The following MED24 variants were observed in gnomAD, a reference collection of about 807,000 sequenced individuals.
The protein encoded by MED24 is mediator complex subunit 24, also known as mediator of RNA polymerase II transcription subunit 24.
In MED24, 74 loss-of-function variants were observed where a neutral mutation model predicts 118.8. The observed-to-expected ratio is 0.62, with a 90% CI of 0.52 to 0.76. The LOEUF (loss-of-function observed/expected upper bound fraction) is 0.76, where lower values mean the gene tolerates loss of function less well. Among genes scored for constraint, MED24 ranks in the 30% least tolerant of loss-of-function variants. MED24 has a pLI of 0.00. For synonymous variants in MED24, 521 were observed against 523.9 expected, an observed-to-expected ratio of 0.99 and a Z score of 0.08; for missense variants, 1,041 against 1,278.9, an observed-to-expected ratio of 0.81 and a Z score of 2.84.
intron 3 of MED24, among the ~76,000 whole-genome samples, chr17:40,041,773 A>C (rs2144953779): frequency 6.6e-6 from 1 of 152,200 alleles, no homozygotes; most frequent in African/African-American, 2.4e-5. Flanking sequence ...GCCACTTCCT[A>C]AACTGTTCTT....
At chr17:40,049,819 C>T (rs959080155) in intron 3 of MED24, among the ~76,000 whole-genome samples, 1 of 151,844 alleles carries the variant, frequency 6.6e-6, no homozygotes, top group Non-Finnish European at 1.5e-5. Context: ...CCACCACACC[C>T]CACCTTAATT....
intron 3 of MED24, among the ~76,000 whole-genome samples, chr17:40,038,466 A>C (rs1166509653): frequency 6.6e-6 from 1 of 152,096 alleles, no homozygotes; most frequent in African/African-American, 2.4e-5. Flanking sequence ...TAATCCCAGA[A>C]CTTTGGGAGG....
At chr17:40,042,322 G>A (rs1984644121) in intron 3 of MED24, among the ~76,000 whole-genome samples, 1 of 152,170 alleles carries the variant, frequency 6.6e-6, no homozygotes, top group Non-Finnish European at 1.5e-5. Flanking sequence ...ACTAAGTGAA[G>A]ATTTGTCCAC....
chr17:40,033,508 G>A lies in MED24; in HGVS notation c.560-52C>T, dbSNP rs970129169. The A allele has an allele frequency of 6.8e-7, 1 of 1,465,758 alleles. No homozygotes were observed. Among genetic ancestry groups the A allele is most frequent in the Non-Finnish European group, 9.3e-7 (1 of 1,071,078 alleles). 90.8% of individuals were successfully genotyped at this position (1,465,758 alleles called of 1,614,324 possible). ...CATGATGGGAAACAGGAGAGAAGGA[G>A]CACCTGGCCCTGAACTCCTCGATTT... On this transcript the variant is annotated intron_variant, in intron 6 of 25. Coordinates refer to ENST00000394128, the MANE Select transcript of MED24 (RefSeq NM_014815.4). The surrounding 1 kb of genome is among the most constrained non-coding windows in gnomAD (Gnocchi z 5.2).
At chr17:40,038,928 T>G (rs1234753650) in intron 3 of MED24, among the ~76,000 whole-genome samples, 1 of 152,300 alleles carries the variant, frequency 6.6e-6, no homozygotes, top group East Asian at 1.9e-4. Context: ...TAGTGTCTGA[T>G]ATCCATCAGA....
At chr17:40,042,412 C>T (rs1984652590) in intron 3 of MED24, among the ~76,000 whole-genome samples, 2 of 152,192 alleles carry the variant, frequency 1.3e-5, no homozygotes, top group Admixed American at 6.5e-5. Context: ...CAGTGGCTCA[C>T]GCCTGTAATC....
At chr17:40,022,299 G>C (rs1982114597) in intron 22 of MED24, 95 bp downstream of exon 22, 1 of 1,311,500 alleles carries the variant, frequency 7.6e-7, no homozygotes, top group Admixed American at 2.0e-5. Context: ...AAGGGCAGGG[G>C]CCACAACTGC....
intron 1 of MED24, 131 bp from the exon 2 acceptor site, chr17:40,053,766 G>C (rs970830376): frequency 1.8e-5 from 21 of 1,170,168 alleles, no homozygotes; most frequent in Non-Finnish European, 2.4e-5. Flanking sequence ...GAAAGAAAAA[G>C]AGCTAAAGGG....
intron 3 of MED24, among the ~76,000 whole-genome samples, chr17:40,042,856 A>G (rs908241347): frequency 2.0e-5 from 3 of 152,234 alleles, no homozygotes; most frequent in Non-Finnish European, 4.4e-5. Flanking sequence ...CTCATACCAC[A>G]ATAAATTCTA....
chr17:40,030,979 A>C (rs545178683), intron 12 of MED24, among the ~76,000 whole-genome samples, 180 bp downstream of exon 12: 45 of 152,244 alleles, frequency 3.0e-4, no homozygotes, highest in African/African-American at 1.0e-3. Context: ...AAGAGTGTAA[A>C]ACTCTGGTCT....
intron 3 of MED24, among the ~76,000 whole-genome samples, chr17:40,041,280 C>G (rs1984537599): frequency 6.6e-6 from 1 of 152,200 alleles, no homozygotes; most frequent in Admixed American, 6.5e-5. Context: ...CTTGGCTTTT[C>G]TTGATAACAC....
In MED24 at chr17:40,043,334, C is replaced by T. The variant is rs1984754275; in HGVS notation, c.214-7180G>A. On this transcript the variant is annotated intron_variant, in intron 3 of 25. Transcript: ENST00000394128. ...CTCCACAGCCTCTTGACTGGCTCACCAATTGTTGTGCTGGACCCCTATTCA... is the reference window on the plus strand; with the variant it reads ...CTCCACAGCCTCTTGACTGGCTCACTAATTGTTGTGCTGGACCCCTATTCA... Among the ~76,000 whole-genome samples the T allele has an allele frequency of 2.6e-5, 4 of 152,096 alleles. No individual in the cohort carries two copies. In the South Asian group the frequency reaches 8.3e-4, roughly 31 times the overall value.
rs564857275 is a variant in MED24 at position 40,039,817 on chromosome 17, T to C, written c.214-3663A>G. Among the ~76,000 whole-genome samples, 6 of 144,524 alleles carry C rather than the reference T, an allele frequency of 4.2e-5. No homozygotes were observed. In the East Asian group the frequency reaches 1.2e-3, roughly 30 times the overall value. The allele number at this position is 144,524 out of a possible 152,430, so 94.8% of individuals were successfully genotyped here. A position where few individuals can be genotyped will look rare whatever the true frequency, so the allele number is the denominator to read the frequency against. On this transcript the variant is annotated intron_variant, in intron 3 of 25. Coordinates refer to ENST00000394128, the MANE Select transcript of MED24 (RefSeq NM_014815.4). ...TTTTTTTTTTGAGATGGAGTCTTGC[T>C]CTCTCGCCCAGGCTGGAGTGCAGCG...
At position 40,028,932 on chromosome 17, in the gene MED24, G is replaced by T; in HGVS notation, c.1303C>A (p.Leu435Met). 6.2e-7 allele frequency: 1 copy of T among 1,614,198 alleles called. No individual in the cohort carries two copies. Among genetic ancestry groups the T allele is most frequent in the Non-Finnish European group, 8.5e-7 (1 of 1,180,046 alleles). ...AGCATGTGGCCCAGGACTCCCAGCAGTCCCTCCGGTGACTTAGAGTGGTCT... is the reference window on the plus strand; with the variant it reads ...AGCATGTGGCCCAGGACTCCCAGCATTCCCTCCGGTGACTTAGAGTGGTCT... ...DADHSKSPEGLLGVLGHMLSG... is the reference protein window; with the variant it reads ...DADHSKSPEGMLGVLGHMLSG... The change falls in exon 14 of 26, where the codon CTG (leucine) becomes ATG (methionine). Residue 435 changes from leucine to methionine, a missense_variant. Physicochemically the swap from Leu to Met is conservative, Grantham distance 15 (BLOSUM62 2). Around this residue, in one of 3 missense-constraint regions of MED24, gnomAD observed 20 missense variants for 69.6 expected, o/e 0.29. Transcript: ENST00000394128.
At chr17:40,047,680 A>C (rs1985384113) in intron 3 of MED24, among the ~76,000 whole-genome samples, 1 of 148,702 alleles carries the variant, frequency 6.7e-6, no homozygotes, top group Admixed American at 6.6e-5. Context: ...AAACAAAAAA[A>C]CAAAAAACAA....
Position 40,029,734 on chromosome 17 carries a change from A to G in MED24, c.1266+14T>C, listed in dbSNP as rs1165301414. 1 of 1,609,900 alleles carries G rather than the reference A, an allele frequency of 6.2e-7. No individual in the cohort carries two copies. The highest frequency in any genetic ancestry group is 1.1e-5 in the South Asian group (1 of 90,992). ...AAAGAGAAGACTGTGGTGGCCAGGGAAGGGCACACTCACCTTGAGGATGTT... is the reference window on the plus strand; with the variant it reads ...AAAGAGAAGACTGTGGTGGCCAGGGGAGGGCACACTCACCTTGAGGATGTT... On this transcript the variant is annotated intron_variant, in intron 13 of 25. Coordinates refer to ENST00000394128, the MANE Select transcript of MED24 (RefSeq NM_014815.4).
At position 40,053,638 on chromosome 17, in the gene MED24, T is replaced by G. The variant is rs371011703; in HGVS notation, c.-37-3A>C. On this transcript the variant is annotated splice_polypyrimidine_tract_variant and splice_region_variant and intron_variant, in intron 1 of 25. Coordinates refer to ENST00000394128, the MANE Select transcript of MED24 (RefSeq NM_014815.4). Reference sequence around the variant, plus strand: ...CAGGTGGCAGCGGTGGCGGCCAGCTTTGAGGTGAAAGAAATGGAGCTAAAG... The same window carrying G: ...CAGGTGGCAGCGGTGGCGGCCAGCTGTGAGGTGAAAGAAATGGAGCTAAAG... The G allele has an allele frequency of 1.5e-5, 24 of 1,613,496 alleles. No individual in the cohort carries two copies. In the African/African-American group the frequency reaches 2.8e-4, roughly 19 times the overall value.
At position 40,053,630 on chromosome 17, in the gene MED24, G is replaced by A. The variant is rs200237339; in HGVS notation, c.-32C>T. On this transcript the variant is annotated 5_prime_UTR_variant, in exon 2 of 26. Transcript: ENST00000394128. The stretch of plus-strand genomic sequence containing the variant: ...ACTCTGAGCAGGTGGCAGCGGTGGC[G>A]GCCAGCTTTGAGGTGAAAGAAATGG... 2.9e-5 allele frequency: 47 copies of A among 1,613,690 alleles called. No homozygotes were observed. The East Asian group carries it at 7.4e-4, about 25-fold the overall frequency.
chr17:40,032,555 C>T lies in MED24; in HGVS notation c.936+94G>A, dbSNP rs1321365919. 4.2e-5 allele frequency: 40 copies of T among 962,796 alleles called. 2 individuals are homozygous for T. Among genetic ancestry groups the T allele is most frequent in the South Asian group, 2.1e-4 (13 of 62,526 alleles). 59.6% of individuals were successfully genotyped at this position (962,796 alleles called of 1,614,324 possible). Reference sequence around the variant, plus strand: ...TACCTGGCAGGCTGGGCCCAGTGCCCGCAGGGAGGAACACAGGGCAAAGGT... The same window carrying T: ...TACCTGGCAGGCTGGGCCCAGTGCCTGCAGGGAGGAACACAGGGCAAAGGT... On this transcript the variant is annotated intron_variant, in intron 9 of 25. Transcript: ENST00000394128.
Sources: gnomAD v4.1 joint callset for allele counts (sites outside exome capture counted in the v4.1 genomes callset) on GRCh38, gnomAD v4.1.1 for gene constraint, gnomAD v4.1.1 regional missense constraint, Gnocchi (gnomAD v3.1) non-coding constraint, MANE v1.5 for transcripts, NCBI Gene and HGNC (gene_info 2026-07-23, HGNC 2026-07-21) for gene names.